FBN2: variants seen among roughly 807,000 people sequenced by gnomAD.
The protein encoded by FBN2 is fibrillin 2.
FBN2 carries 105 observed loss-of-function variants against 355.6 expected under a neutral mutation model. The ratio of observed to expected loss-of-function variants is 0.30; its 90% CI spans 0.25 to 0.35. The LOEUF (loss-of-function observed/expected upper bound fraction) is 0.35. Among genes scored for constraint, FBN2 ranks in the 10% least tolerant of loss-of-function variants. FBN2 has a pLI of 1.00. For missense variants in FBN2, 3,280 were observed against 3,758.7 expected (o/e 0.87, Z 3.33); for synonymous variants, 1,350 against 1,301.2 (o/e 1.04, Z -0.81).
At chr5:128,366,542 T>C in intron 16 of FBN2, 112 bp from the exon 17 acceptor site, 1 of 604,948 alleles carries the variant, frequency 1.7e-6, no homozygotes, top group Non-Finnish European at 2.9e-6. Flanking sequence ...GTGCATTAGT[T>C]TTTAAAGTGA....
intron 5 of FBN2, 74 bp from the exon 6 acceptor site, chr5:128,464,995 A>G: frequency 7.3e-7 from 1 of 1,365,642 alleles, no homozygotes; most frequent in Non-Finnish European, 1.0e-6. Context: ...CTCCAAATGC[A>G]TAAAACAGAG....
chr5:128,452,012 G>A (rs572381594), intron 6 of FBN2, among the ~76,000 whole-genome samples: 2 of 152,118 alleles, frequency 1.3e-5, no homozygotes, highest in East Asian at 1.9e-4. Flanking sequence ...CTGCAGTTAT[G>A]TAGAATTAAT....
chr5:128,383,168 C>T (rs1393952568), intron 11 of FBN2, among the ~76,000 whole-genome samples: 1 of 152,058 alleles, frequency 6.6e-6, no homozygotes, highest in Non-Finnish European at 1.5e-5. Context: ...GTAGGTGAGT[C>T]AGAGCTGAGA....
chr5:128,489,438 A>C (rs1266376726), intron 5 of FBN2, among the ~76,000 whole-genome samples: 2 of 138,982 alleles, frequency 1.4e-5, no homozygotes, highest in Non-Finnish European at 3.0e-5. Context: ...TCTCTTTTAC[A>C]TGCTTTTAGG....
intron 4 of FBN2, among the ~76,000 whole-genome samples, chr5:128,525,348 T>C (rs1756534869): frequency 6.6e-6 from 1 of 152,156 alleles, no homozygotes; most frequent in African/African-American, 2.4e-5. Flanking sequence ...CCTAAAAATA[T>C]ATATCAATCT....
intron 5 of FBN2, among the ~76,000 whole-genome samples, chr5:128,467,493 C>A (rs1483029995): frequency 6.6e-6 from 1 of 151,866 alleles, no homozygotes; most frequent in Non-Finnish European, 1.5e-5. Context: ...TTTAAATTTC[C>A]TGATAGGGTT....
chr5:128,477,420 C>G (rs987686822), intron 5 of FBN2, among the ~76,000 whole-genome samples: 1 of 152,078 alleles, frequency 6.6e-6, no homozygotes, highest in African/African-American at 2.4e-5. Flanking sequence ...CAATAAAATT[C>G]AAAGGCATCC....
chr5:128,401,241 A>G lies in FBN2; in HGVS notation c.1079-5967T>C, dbSNP rs550654533. Among the ~76,000 whole-genome samples the G allele has an allele frequency of 2.0e-5, 3 of 152,318 alleles. No individual in the cohort carries two copies. The South Asian group carries it at 6.2e-4, about 32-fold the overall frequency. The stretch of plus-strand genomic sequence containing the variant: ...CCAGACTTTGGGAGTATGCAATGAT[A>G]TTGAGAGGGGTTCACAAATGCATAT... On this transcript the variant is annotated intron_variant, in intron 8 of 64. Transcript: ENST00000262464.
chr5:128,509,531 T>A (rs1756056124), intron 5 of FBN2, among the ~76,000 whole-genome samples: 1 of 152,196 alleles, frequency 6.6e-6, no homozygotes, highest in African/African-American at 2.4e-5. Flanking sequence ...GTCTGTTAAT[T>A]CTAACATCTT....
At chr5:128,461,933 T>C (rs1754570021) in intron 6 of FBN2, among the ~76,000 whole-genome samples, 1 of 152,028 alleles carries the variant, frequency 6.6e-6, no homozygotes. Context: ...GTAACAAACC[T>C]ACATATTCTG....
intron 5 of FBN2, among the ~76,000 whole-genome samples, chr5:128,515,660 G>T (rs1018064132): frequency 5.9e-5 from 9 of 152,134 alleles, no homozygotes; most frequent in Admixed American, 2.0e-4. Context: ...TGAAAGTTTA[G>T]ATTTTTTGAA....
At position 128,443,612 on chromosome 5, in the gene FBN2, A is replaced by C. The variant is rs1299807587; in HGVS notation, c.952+2869T>G. On this transcript the variant is annotated intron_variant, in intron 7 of 64. Transcript: ENST00000262464. ...GCAGTTTCTTGTTAAGGATACCACCATTTTCCTAATTACTCAGACCCAAAA... is the reference window on the plus strand; with the variant it reads ...GCAGTTTCTTGTTAAGGATACCACCCTTTTCCTAATTACTCAGACCCAAAA... 4.6e-5 allele frequency among the ~76,000 whole-genome samples: 7 copies of C among 152,220 alleles called. No individual in the cohort carries two copies. In the South Asian group the frequency reaches 1.2e-3, roughly 27 times the overall value.
At chr5:128,492,844 A>T (rs1164902937) in intron 5 of FBN2, among the ~76,000 whole-genome samples, 1 of 150,828 alleles carries the variant, frequency 6.6e-6, no homozygotes, top group Non-Finnish European at 1.5e-5. Flanking sequence ...AGAAAGAAAT[A>T]CCTATTGGCA....
In FBN2 at chr5:128,263,417, C is replaced by G; in HGVS notation, c.8192+8G>C. The G allele has an allele frequency of 6.2e-7, 1 of 1,602,238 alleles. No homozygotes were observed. The highest frequency in any genetic ancestry group is 8.6e-7 in the Non-Finnish European group (1 of 1,169,244). ...TCCTCTATGTGCTGAGGCTGAAGGC[C>G]GCCTTACCCTTGTCCCACTCTGTAA... On this transcript the variant is annotated splice_region_variant and intron_variant, in intron 63 of 64. Transcript: ENST00000262464.
chr5:128,363,170 C>CT (rs1398583307), intron 18 of FBN2, among the ~76,000 whole-genome samples: 2 of 151,836 alleles, frequency 1.3e-5, no homozygotes, highest in African/African-American at 4.8e-5. Flanking sequence ...CTCCACTCCC[C>CT]TTCCCTCCCT....
chr5:128,288,014 G>T (rs32211), intron 53 of FBN2, among the ~76,000 whole-genome samples: 2 of 152,068 alleles, frequency 1.3e-5, no homozygotes, highest in African/African-American at 2.4e-5. Flanking sequence ...TGAGGCCTGA[G>T]GGTCTGCTAT....
intron 24 of FBN2, 98 bp from the exon 25 acceptor site, chr5:128,344,608 G>A: frequency 8.9e-7 from 1 of 1,121,476 alleles, no homozygotes; most frequent in Non-Finnish European, 1.3e-6. Flanking sequence ...CAACAGTAAT[G>A]CATCCAAGTA....
At position 128,337,047 on chromosome 5, in the gene FBN2, A is replaced by G. The variant is rs374032901; in HGVS notation, c.3599-934T>C. On this transcript the variant is annotated intron_variant, in intron 27 of 64. Transcript: ENST00000262464. ...AAGCTGTAAGATCCACGAAAACTAA[A>G]TAACAAAGTAAACTTAGATCTGTGA... Among the ~76,000 whole-genome samples, 2 of 152,230 alleles carry G rather than the reference A, an allele frequency of 1.3e-5. 1 individual carries two copies. Among genetic ancestry groups the G allele is most frequent in the South Asian group, 4.1e-4 (2 of 4,832 alleles).
chr5:128,349,544 T>C, intron 22 of FBN2, 72 bp from the exon 23 acceptor site: 1 of 1,522,352 alleles, frequency 6.6e-7, no homozygotes, highest in Non-Finnish European at 9.0e-7. Context: ...TCCTACTTCC[T>C]GTATAGCATT....
Sources: gnomAD v4.1 joint callset for allele counts (sites outside exome capture counted in the v4.1 genomes callset) on GRCh38, gnomAD v4.1.1 for gene constraint, MANE v1.5 for transcripts, NCBI Gene and HGNC (gene_info 2026-07-23, HGNC 2026-07-21) for gene names.